Variants in PTPRD observed in about 807,000 individuals in gnomAD.
The protein encoded by PTPRD is receptor-type tyrosine-protein phosphatase delta.
A neutral mutation model predicts 214.5 loss-of-function variants in PTPRD; 34 were observed. The observed-to-expected ratio is 0.16, with a 90% confidence interval of 0.12 to 0.21. The LOEUF (loss-of-function observed/expected upper bound fraction) is 0.21. Ranked by LOEUF, PTPRD falls within the 10% of genes least tolerant of loss-of-function variation. The pLI, the probability that PTPRD is intolerant of heterozygous loss-of-function variation, is 1.00. For synonymous variants in PTPRD, 1,128 were observed against 845.7 expected, an observed-to-expected ratio of 1.33 and a Z score of -5.79; for missense variants, 2,545 against 2,398.7, an observed-to-expected ratio of 1.06 and a Z score of -1.27.
At chr9:8,899,268 A>C (rs2098645856) in intron 11 of PTPRD, among the ~76,000 whole-genome samples, 1 of 152,190 alleles carries the variant, frequency 6.6e-6, no homozygotes, top group African/African-American at 2.4e-5. Flanking sequence ...TTGACTTACA[A>C]CACCTGAAAA....
rs1825734097 is a variant in PTPRD at position 8,319,996 on chromosome 9, G to T, written c.5535-30C>A. On this transcript the variant is annotated intron_variant, in intron 44 of 45. Transcript: ENST00000381196. ...CACAATAACAAAGGCGATGTTACTG[G>T]GTGAGATGTTCACAGTCTTGGCCAC... The T allele has an allele frequency of 4.4e-6, 7 of 1,607,172 alleles. No individual in the cohort carries two copies. In the African/African-American group the frequency reaches 6.7e-5, roughly 15 times the overall value.
At chr9:8,792,135 A>T (rs543271634) in intron 11 of PTPRD, among the ~76,000 whole-genome samples, 1 of 152,328 alleles carries the variant, frequency 6.6e-6, no homozygotes, top group African/African-American at 2.4e-5. Context: ...TAGCATGTAT[A>T]TGCAGAGGGT....
At chr9:9,253,753 A>C (rs2099976457) in intron 9 of PTPRD, among the ~76,000 whole-genome samples, 1 of 152,122 alleles carries the variant, frequency 6.6e-6, no homozygotes, top group African/African-American at 2.4e-5. Flanking sequence ...GATTGCTTGA[A>C]GTCATACTGT....
At chr9:9,486,854 T>A (rs1473958902) in intron 8 of PTPRD, among the ~76,000 whole-genome samples, 1 of 152,130 alleles carries the variant, frequency 6.6e-6, no homozygotes, top group Non-Finnish European at 1.5e-5. Flanking sequence ...TATTCAAAAT[T>A]TTACTCTCCA....
chr9:9,600,184 C>A (rs2093645830), intron 7 of PTPRD, among the ~76,000 whole-genome samples: 1 of 152,016 alleles, frequency 6.6e-6, no homozygotes, highest in Non-Finnish European at 1.5e-5. Context: ...ACAAGAAAGA[C>A]TTTCTAGCAA....
chr9:8,744,261 G>C (rs919627781), intron 11 of PTPRD, among the ~76,000 whole-genome samples: 1 of 152,154 alleles, frequency 6.6e-6, no homozygotes, highest in Non-Finnish European at 1.5e-5. Context: ...AGAACTGAAA[G>C]TAGATCTATC....
Position 10,192,802 on chromosome 9 carries a change from T to C in PTPRD, c.-545+148161A>G, listed in dbSNP as rs114102534. On this transcript the variant is annotated intron_variant, in intron 3 of 45. Transcript: ENST00000381196. Reference sequence around the variant, plus strand: ...AAAAATAAGCTTAGCCTGAAACCAATGTTAATGAGGATTTCAGAATCACAA... The same window carrying C: ...AAAAATAAGCTTAGCCTGAAACCAACGTTAATGAGGATTTCAGAATCACAA... Among the ~76,000 whole-genome samples, 243 of 152,218 alleles carry C rather than the reference T, an allele frequency of 1.6e-3. 2 individuals are homozygous for C. The highest frequency in any genetic ancestry group is 5.8e-3 in the African/African-American group (239 of 41,552).
intron 5 of PTPRD, among the ~76,000 whole-genome samples, chr9:9,847,170 AG>A (rs1182307861): frequency 1.3e-5 from 2 of 152,128 alleles, no homozygotes; most frequent in Non-Finnish European, 2.9e-5. Context: ...GTTAAAATTA[AG>A]CCCTGTTTTT....
intron 7 of PTPRD, among the ~76,000 whole-genome samples, chr9:9,724,042 G>C (rs1000833154): frequency 6.6e-6 from 1 of 152,016 alleles, no homozygotes; most frequent in African/African-American, 2.4e-5. Flanking sequence ...TTGAATAGAA[G>C]TGGCCACCAC....
chr9:9,069,850 T>C (rs1341629674), intron 10 of PTPRD, among the ~76,000 whole-genome samples: 1 of 152,190 alleles, frequency 6.6e-6, no homozygotes, highest in East Asian at 1.9e-4. Context: ...ACTAAAGCAG[T>C]GCCAGATTGA....
At chr9:8,706,601 T>A (rs1310953389) in intron 12 of PTPRD, among the ~76,000 whole-genome samples, 2 of 152,002 alleles carry the variant, frequency 1.3e-5, no homozygotes, top group Non-Finnish European at 2.9e-5. Flanking sequence ...AACTTGAGCT[T>A]AAGAAAAAAA....
intron 30 of PTPRD, among the ~76,000 whole-genome samples, chr9:8,478,395 C>G (rs931713290): frequency 6.6e-6 from 1 of 152,026 alleles, no homozygotes; most frequent in African/African-American, 2.4e-5. Flanking sequence ...ATTAGTAAGA[C>G]CAAAGAAATT....
chr9:9,710,167 T>A (rs1443120874), intron 7 of PTPRD, among the ~76,000 whole-genome samples: 1 of 152,148 alleles, frequency 6.6e-6, no homozygotes, highest in Non-Finnish European at 1.5e-5. Flanking sequence ...GTACTTAGTA[T>A]CATTTGTTAC....
chr9:9,882,633 T>G (rs1287011490), intron 5 of PTPRD, among the ~76,000 whole-genome samples: 1 of 152,170 alleles, frequency 6.6e-6, no homozygotes, highest in Non-Finnish European at 1.5e-5. Context: ...CACTGTAAGG[T>G]GGATAGCAAC....
At chr9:10,598,670 A>ATGTGTGTGTG (rs1175090419) in intron 2 of PTPRD, among the ~76,000 whole-genome samples, 1 of 80,996 alleles carries the variant, frequency 1.2e-5, no homozygotes, top group South Asian at 7.6e-4. Context: ...ATTTTTATAT[A>ATGTGTGTGTG]TGTATGTGTG....
At chr9:8,348,987 C>CTGTT (rs2133058743) in intron 39 of PTPRD, among the ~76,000 whole-genome samples, 1 of 152,160 alleles carries the variant, frequency 6.6e-6, no homozygotes, top group South Asian at 2.1e-4. Flanking sequence ...GTTGTCTCTA[C>CTGTT]TGTTTGGCAA....
intron 14 of PTPRD, among the ~76,000 whole-genome samples, chr9:8,629,116 T>TA (rs542176006): frequency 2.0e-4 from 30 of 151,710 alleles, no homozygotes; most frequent in Admixed American, 9.9e-4. Flanking sequence ...ATTACTCCCC[T>TA]AAAAAAAATT....
chr9:9,843,376 G>A (rs2058777246), intron 5 of PTPRD, among the ~76,000 whole-genome samples: 1 of 151,850 alleles, frequency 6.6e-6, no homozygotes, highest in Non-Finnish European at 1.5e-5. Context: ...TAAATGCTAA[G>A]CACACTTTCT....
At chr9:8,735,162 TTG>T (rs2089927770) in intron 11 of PTPRD, among the ~76,000 whole-genome samples, 1 of 148,026 alleles carries the variant, frequency 6.8e-6, no homozygotes, top group African/African-American at 2.5e-5. Flanking sequence ...GTTTTTTTTT[TTG>T]AGACAGTCTC....
Sources: gnomAD v4.1 joint callset for allele counts (sites outside exome capture counted in the v4.1 genomes callset) on GRCh38, gnomAD v4.1.1 for gene constraint, MANE v1.5 for transcripts, NCBI Gene and HGNC (gene_info 2026-07-23, HGNC 2026-07-21) for gene names.